Variants in EML5 observed in about 807,000 individuals in gnomAD.
EML5 encodes the protein echinoderm microtubule-associated protein-like 5.
Under a neutral mutation model 250.0 loss-of-function variants are expected in EML5, and 120 were observed. That is an observed-to-expected ratio of 0.48 (90% CI 0.41 to 0.56). The LOEUF is 0.56. Ranked by LOEUF, EML5 falls within the 20% of genes least tolerant of loss-of-function variation. The probability of loss-of-function intolerance (pLI) is 0.00; values close to 1 mark genes in which losing one functional copy is unlikely to be tolerated. For missense variants in EML5, 2,006 were observed against 2,437.6 expected, an observed-to-expected ratio of 0.82 and a Z score of 3.73; for synonymous variants, 771 against 806.5, an observed-to-expected ratio of 0.96 and a Z score of 0.75.
chr14:88,639,379 T>TA (rs1406828087), intron 31 of EML5, among the ~76,000 whole-genome samples: 1 of 152,106 alleles, frequency 6.6e-6, no homozygotes, highest in Non-Finnish European at 1.5e-5. Context: ...GAAAGATGAG[T>TA]AACATGGTTG....
intron 12 of EML5, 35 bp downstream of exon 12, chr14:88,705,447 T>C: frequency 6.8e-7 from 1 of 1,469,036 alleles, no homozygotes; most frequent in Non-Finnish European, 9.4e-7. Context: ...GAAATTAGAC[T>C]TTTTAGAGAA....
At chr14:88,709,331 AAAGATAT>A (rs1642675986) in intron 10 of EML5, among the ~76,000 whole-genome samples, 1 of 151,676 alleles carries the variant, frequency 6.6e-6, no homozygotes, top group African/African-American at 2.4e-5. Flanking sequence ...AAAACTGGGA[AAAGATAT>A]TTGCAAACTA....
Position 88,612,739 on chromosome 14 carries a change from G to A in EML5, c.*3079C>T, listed in dbSNP as rs1406855201. On this transcript the variant is annotated 3_prime_UTR_variant, in exon 44 of 44. Coordinates refer to ENST00000554922, the MANE Select transcript of EML5 (RefSeq NM_183387.3). ...AGAGATCAGATCAGATAGGTAAACT[G>A]CAAGATAGATAGGATGAAACTTTTG... 6.6e-6 allele frequency: 1 copy of A among 152,582 alleles called. No homozygotes were observed. Among genetic ancestry groups the A allele is most frequent in the African/African-American group, 2.4e-5 (1 of 41,450 alleles). The allele number at this position is 152,582 out of a possible 1,614,324, so 9.5% of individuals were successfully genotyped here.
chr14:88,779,009 A>T (rs2094472499), intron 1 of EML5, among the ~76,000 whole-genome samples: 1 of 152,194 alleles, frequency 6.6e-6, no homozygotes, highest in Non-Finnish European at 1.5e-5. Context: ...TGTAGATTGT[A>T]TATGTGAGAA....
chr14:88,700,895 T>G (rs1006627724), intron 14 of EML5, among the ~76,000 whole-genome samples: 1 of 152,192 alleles, frequency 6.6e-6, no homozygotes, highest in Admixed American at 6.5e-5. Context: ...TCAACTAATG[T>G]CCATAATGCA....
At chr14:88,749,111 G>GA (rs1292440783) in intron 2 of EML5, among the ~76,000 whole-genome samples, 3 of 152,022 alleles carry the variant, frequency 2.0e-5, no homozygotes, top group African/African-American at 7.2e-5. Context: ...CATTCACACA[G>GA]AAAAAACACA....
intron 27 of EML5, among the ~76,000 whole-genome samples, chr14:88,657,134 CA>C (rs1037704193): frequency 6.6e-6 from 1 of 152,060 alleles, no homozygotes; most frequent in Non-Finnish European, 1.5e-5. Context: ...GCTGGGGCTA[CA>C]AACACACACC....
chr14:88,662,611 T>G (rs1027112925), intron 24 of EML5, among the ~76,000 whole-genome samples: 3 of 149,320 alleles, frequency 2.0e-5, no homozygotes, highest in African/African-American at 7.4e-5. Context: ...GGCATGAACA[T>G]GGCTCACTGC....
chr14:88,712,120 C>G (rs7142113), intron 10 of EML5, 151 bp downstream of exon 10: 19,932 of 614,434 alleles, frequency 0.032, 1,331 homozygotes, highest in South Asian at 0.17. Flanking sequence ...CAGCATATGA[C>G]AATAATTTTT....
intron 1 of EML5, among the ~76,000 whole-genome samples, chr14:88,776,490 C>T (rs1178053507): frequency 6.6e-6 from 1 of 151,704 alleles, no homozygotes; most frequent in African/African-American, 2.4e-5. Flanking sequence ...AGAATGCATC[C>T]AAGTCCTTTA....
intron 21 of EML5, among the ~76,000 whole-genome samples, chr14:88,668,275 G>GA (rs2092360513): frequency 3.3e-5 from 5 of 152,288 alleles, no homozygotes; most frequent in Admixed American, 3.3e-4. Context: ...GTGTACATAT[G>GA]AAAAGAAAAG....
intron 14 of EML5, among the ~76,000 whole-genome samples, chr14:88,701,619 G>A (rs950329620): frequency 3.9e-5 from 6 of 152,116 alleles, no homozygotes; most frequent in African/African-American, 1.4e-4. Flanking sequence ...AGAAAAAAGG[G>A]AGGAGTTTTC....
At chr14:88,629,187 A>G (rs2090268333) in intron 33 of EML5, among the ~76,000 whole-genome samples, 1 of 152,072 alleles carries the variant, frequency 6.6e-6, no homozygotes, top group Middle Eastern at 3.2e-3. Context: ...GGCAATTCAC[A>G]TGTTATATTT....
chr14:88,649,856 G>T, intron 28 of EML5, 56 bp downstream of exon 28: 1 of 1,334,802 alleles, frequency 7.5e-7, no homozygotes, highest in East Asian at 2.6e-5. Context: ...ATACCATAAA[G>T]AATAAAATAA....
chr14:88,618,375 G>C (rs771488484), intron 40 of EML5, 44 bp from the exon 41 acceptor site: 6 of 1,550,578 alleles, frequency 3.9e-6, no homozygotes, highest in Non-Finnish European at 4.4e-6. Flanking sequence ...CATTAGGTGA[G>C]AGACAAAATC....
rs1595343396 is a variant in EML5 at position 88,643,115 on chromosome 14, G to C, written c.4108-93C>G. On this transcript the variant is annotated intron_variant, in intron 30 of 43. Coordinates refer to ENST00000554922, the MANE Select transcript of EML5 (RefSeq NM_183387.3). ...ATACGTAATACTAGTAGTGTCTGCA[G>C]TCAAAATGGAGTATGCATTTTTGAT... is the stretch of plus-strand genomic sequence containing the variant. 3 of 1,196,298 alleles carry C rather than the reference G, an allele frequency of 2.5e-6. No homozygotes were observed. The East Asian group carries it at 8.5e-5, about 34-fold the overall frequency. The allele number at this position is 1,196,298 out of a possible 1,614,324, so 74.1% of individuals were successfully genotyped here. A position where few individuals can be genotyped will look rare whatever the true frequency, so the allele number is the denominator to read the frequency against.
intron 27 of EML5, among the ~76,000 whole-genome samples, chr14:88,651,180 G>A (rs1437602981): frequency 2.3e-5 from 3 of 130,612 alleles, no homozygotes; most frequent in Admixed American, 8.3e-5. Context: ...TTTTTTTTAA[G>A]GCAAAGAGTA....
intron 29 of EML5, among the ~76,000 whole-genome samples, chr14:88,646,093 G>C (rs1026842717): frequency 6.6e-6 from 1 of 152,022 alleles, no homozygotes; most frequent in African/African-American, 2.4e-5. Flanking sequence ...TATTCAATTT[G>C]TAACACCTAA....
chr14:88,737,663 T>C (rs1459693875), intron 6 of EML5, among the ~76,000 whole-genome samples: 1 of 152,216 alleles, frequency 6.6e-6, no homozygotes, highest in Non-Finnish European at 1.5e-5. Flanking sequence ...AAGTCCTTGA[T>C]CTATACTCAC....
Sources: gnomAD v4.1 joint callset for allele counts (sites outside exome capture counted in the v4.1 genomes callset) on GRCh38, gnomAD v4.1.1 for gene constraint, MANE v1.5 for transcripts, NCBI Gene and HGNC (gene_info 2026-07-23, HGNC 2026-07-21) for gene names.